Variants in KLRG2 observed in about 807,000 individuals in gnomAD.
KLRG2 encodes killer cell lectin like receptor G2, also known as killer cell lectin-like receptor subfamily G member 2.
A neutral mutation model predicts 35.4 loss-of-function variants in KLRG2; 39 were observed. The ratio of observed to expected loss-of-function variants is 1.10; its 90% CI spans 0.85 to 1.44. KLRG2 has a LOEUF of 1.44. KLRG2 is among the 40% of genes most tolerant of loss of function. KLRG2 has a pLI of 0.00. For synonymous variants in KLRG2, 283 were observed against 265.8 expected, an observed-to-expected ratio of 1.06 and a Z score of -0.63; for missense variants, 632 against 570.9, an observed-to-expected ratio of 1.11 and a Z score of -1.09.
In KLRG2 at chr7:139,483,670, T is replaced by C; in HGVS notation, c.-28A>G. 1 of 1,467,832 alleles carries C rather than the reference T, an allele frequency of 6.8e-7. No homozygotes were observed. Among genetic ancestry groups the C allele is most frequent in the Non-Finnish European group, 9.0e-7 (1 of 1,116,222 alleles). The allele number at this position is 1,467,832 out of a possible 1,614,324, so 90.9% of individuals were successfully genotyped here. ...CGCGCGCCCCGCCACCCGGAGACGC[T>C]GAGGAGCGCACCTGGGCCCAGTGCA... On this transcript the variant is annotated 5_prime_UTR_variant, in exon 1 of 5. Coordinates refer to ENST00000340940, the MANE Select transcript of KLRG2 (RefSeq NM_198508.4).
intron 3 of KLRG2, among the ~76,000 whole-genome samples, chr7:139,469,507 G>A (rs1020533308): frequency 9.2e-5 from 14 of 152,110 alleles, no homozygotes; most frequent in East Asian, 5.8e-4. Flanking sequence ...ACCCAGTAGC[G>A]CGATCTCGGC....
chr7:139,476,942 C>T (rs1400120430), intron 3 of KLRG2, among the ~76,000 whole-genome samples: 1 of 152,144 alleles, frequency 6.6e-6, no homozygotes, highest in Non-Finnish European at 1.5e-5. Context: ...TTAGCTTTGT[C>T]AAGGTGGGGG....
chr7:139,460,925 T>G (rs1015967382), intron 3 of KLRG2, among the ~76,000 whole-genome samples: 3 of 151,954 alleles, frequency 2.0e-5, no homozygotes. Flanking sequence ...GACCTGCCAC[T>G]GCACTCGAGC....
At chr7:139,434,016 G>A in the KLRG2 span, among the ~76,000 whole-genome samples, 1 of 152,172 alleles carries the variant, frequency 6.6e-6, no homozygotes, top group Admixed American at 6.5e-5. Context: ...CCCTGAGCCT[G>A]TGGTACTTGG....
chr7:139,438,485 G>A, the KLRG2 span, among the ~76,000 whole-genome samples: 4 of 152,092 alleles, frequency 2.6e-5, no homozygotes, highest in Admixed American at 6.6e-5. Context: ...CTAAAGTATT[G>A]GGATTAGAGG....
the KLRG2 span, among the ~76,000 whole-genome samples, chr7:139,443,034 A>G: frequency 1.3e-5 from 2 of 151,946 alleles, no homozygotes; most frequent in Non-Finnish European, 2.9e-5. Flanking sequence ...AAGAAGTACT[A>G]TATACATTTA....
At chr7:139,429,960 G>C in the KLRG2 span, among the ~76,000 whole-genome samples, 2 of 152,094 alleles carry the variant, frequency 1.3e-5, no homozygotes, top group African/African-American at 2.4e-5. Flanking sequence ...GGCCGGGCGG[G>C]GGGCTGACCC....
Position 139,452,949 on chromosome 7 carries a change from G to A in KLRG2, c.*638C>T, listed in dbSNP as rs1210550965. ...TCACCCTTGGGCATCAGCGTGCCAG[G>A]GGCTGGCCAGCCCACATGCGGGATC... On this transcript the variant is annotated 3_prime_UTR_variant, in exon 5 of 5. Coordinates refer to ENST00000340940, the MANE Select transcript of KLRG2 (RefSeq NM_198508.4). 6.6e-6 allele frequency: 1 copy of A among 152,566 alleles called. No homozygotes were observed. The highest frequency in any genetic ancestry group is 1.5e-5 in the Non-Finnish European group (1 of 68,372). The allele number at this position is 152,566 out of a possible 1,614,324, so 9.5% of individuals were successfully genotyped here. A position where few individuals can be genotyped will look rare whatever the true frequency, so the allele number is the denominator to read the frequency against.
At chr7:139,451,746 A>C (rs953455544), downstream of KLRG2, among the ~76,000 whole-genome samples, 4 of 152,200 alleles carry the variant, frequency 2.6e-5, 1 homozygote, top group Admixed American at 1.3e-4. Flanking sequence ...CACTGAGTAC[A>C]ACACTTCCCT....
intron 3 of KLRG2, among the ~76,000 whole-genome samples, chr7:139,460,002 G>A (rs996019655): frequency 2.6e-5 from 4 of 152,042 alleles, no homozygotes; most frequent in East Asian, 1.9e-4. Context: ...CGCCCGCCTC[G>A]GCTTCCCAAA....
At chr7:139,449,726 G>T (rs1416084952), downstream of KLRG2, among the ~76,000 whole-genome samples, 1 of 118,172 alleles carries the variant, frequency 8.5e-6, no homozygotes. Flanking sequence ...TTGAGACGGA[G>T]TCTCCCTCTG....
chr7:139,468,694 C>T (rs925972933), intron 3 of KLRG2, among the ~76,000 whole-genome samples: 3 of 152,184 alleles, frequency 2.0e-5, no homozygotes, highest in Admixed American at 1.3e-4. Flanking sequence ...AACAATTTGA[C>T]ACAAATCAAA....
chr7:139,477,828 G>T (rs972383108), intron 3 of KLRG2, among the ~76,000 whole-genome samples: 31 of 151,760 alleles, frequency 2.0e-4, no homozygotes, highest in African/African-American at 7.0e-4. Context: ...GCACAATCTC[G>T]GCTCACTGCA....
intron 3 of KLRG2, among the ~76,000 whole-genome samples, chr7:139,456,831 G>A (rs1569410276): frequency 6.6e-6 from 1 of 152,116 alleles, no homozygotes; most frequent in Admixed American, 6.5e-5. Context: ...TGTATTAGTT[G>A]GTGAACCTGG....
At chr7:139,476,106 G>T (rs1041140215) in intron 3 of KLRG2, among the ~76,000 whole-genome samples, 3 of 152,060 alleles carry the variant, frequency 2.0e-5, no homozygotes, top group Non-Finnish European at 2.9e-5. Context: ...AGCACGAAAG[G>T]TCTCAAGAAA....
Position 139,474,716 on chromosome 7 carries a change from G to A in KLRG2, c.1005+4911C>T, listed in dbSNP as rs1796818860. On this transcript the variant is annotated intron_variant, in intron 3 of 4. Transcript: ENST00000340940. ...GTGGAGGTTGCAGTGAGCTGAGATC[G>A]CCCCACTGCACTCCAGCCTGGGCGA... is the stretch of plus-strand genomic sequence containing the variant. Among the ~76,000 whole-genome samples, 5 of 152,074 alleles carry A rather than the reference G, an allele frequency of 3.3e-5. No homozygotes were observed. The South Asian group carries it at 8.3e-4, about 25-fold the overall frequency.
the KLRG2 span, among the ~76,000 whole-genome samples, chr7:139,443,457 C>T: frequency 2.6e-5 from 4 of 152,092 alleles, no homozygotes; most frequent in African/African-American, 9.7e-5. Flanking sequence ...GATCAACATG[C>T]TGATAAGGTA....
At chr7:139,433,546 G>A in the KLRG2 span, among the ~76,000 whole-genome samples, 7,853 of 151,320 alleles carry the variant, frequency 0.052, 465 homozygotes, top group African/African-American at 0.14. Context: ...GGCTGGTCTC[G>A]AACTCCCAAC....
chr7:139,432,398 C>T, the KLRG2 span, among the ~76,000 whole-genome samples: 10 of 152,240 alleles, frequency 6.6e-5, 1 homozygote, highest in East Asian at 9.7e-4. Flanking sequence ...AGCCTAGTCT[C>T]GCTGTAAACT....
Sources: allele counts gnomAD v4.1 joint callset (sites outside exome capture counted in the v4.1 genomes callset), GRCh38; gene constraint gnomAD v4.1.1; transcripts MANE v1.5; gene names NCBI Gene and HGNC (gene_info 2026-07-23, HGNC 2026-07-21).